The following AOAH variants were observed in gnomAD, a reference collection of about 807,000 sequenced individuals.
The protein encoded by AOAH is acyloxyacyl hydrolase (neutrophil).
AOAH carries 64 observed loss-of-function variants against 92.2 expected under a neutral mutation model. The observed-to-expected ratio is 0.69, with a 90% CI of 0.57 to 0.86. AOAH has a LOEUF of 0.86. Ranked by LOEUF, AOAH falls within the 40% of genes least tolerant of loss-of-function variation. AOAH has a pLI of 0.00. For missense variants in AOAH, 656 were observed against 694.6 expected (o/e 0.94, Z 0.62); for synonymous variants, 263 against 254.5 (o/e 1.03, Z -0.32).
At chr7:36,515,733 A>ACACACAC (rs1171705472) in intron 20 of AOAH, among the ~76,000 whole-genome samples, 1 of 112,944 alleles carries the variant, frequency 8.9e-6, no homozygotes, top group African/African-American at 3.5e-5. Context: ...CCAACACCAC[A>ACACACAC]CACACACCAC....
At position 36,678,609 on chromosome 7, in the gene AOAH, G is replaced by A. The variant is rs915525271; in HGVS notation, c.224-4600C>T. 6.1e-5 allele frequency among the ~76,000 whole-genome samples: 6 copies of A among 98,358 alleles called. No individual in the cohort carries two copies. The East Asian group carries it at 1.1e-3, about 18-fold the overall frequency. The allele number at this position is 98,358 out of a possible 152,430, so 64.5% of individuals were successfully genotyped here. On this transcript the variant is annotated intron_variant, in intron 2 of 20. Coordinates refer to ENST00000617537, the MANE Select transcript of AOAH (RefSeq NM_001637.4). The stretch of plus-strand genomic sequence containing the variant: ...TGTGTGTGTGTGTGTGTGCGCGCGC[G>A]CGCGCGTTAGAATTCTGTTTAGCTC...
intron 7 of AOAH, 117 bp from the exon 8 acceptor site, chr7:36,621,897 A>G: frequency 2.3e-6 from 2 of 854,064 alleles, no homozygotes; most frequent in Non-Finnish European, 4.0e-6. Flanking sequence ...TTCAGATTCA[A>G]TCTAGGATCA....
At chr7:36,589,792 T>C (rs548022840) in intron 12 of AOAH, among the ~76,000 whole-genome samples, 1 of 152,356 alleles carries the variant, frequency 6.6e-6, no homozygotes, top group East Asian at 1.9e-4. Context: ...CCTTCCTTCT[T>C]GTAAAAGTTT....
intron 1 of AOAH, among the ~76,000 whole-genome samples, chr7:36,721,360 C>A (rs1172491908): frequency 6.6e-6 from 1 of 152,112 alleles, no homozygotes; most frequent in Non-Finnish European, 1.5e-5. Context: ...CTCTGCCAAC[C>A]CCACTGCCTT....
chr7:36,701,756 G>A (rs1165798362), intron 1 of AOAH, among the ~76,000 whole-genome samples: 1 of 151,858 alleles, frequency 6.6e-6, no homozygotes, highest in Non-Finnish European at 1.5e-5. Flanking sequence ...GTATAATCAT[G>A]TTGTCGTTGA....
intron 1 of AOAH, among the ~76,000 whole-genome samples, chr7:36,716,849 G>A (rs1330908515): frequency 1.3e-5 from 2 of 152,010 alleles, no homozygotes; most frequent in African/African-American, 4.8e-5. Context: ...GGGAGGGATA[G>A]CATTAGGAGA....
At chr7:36,588,228 C>T (rs1376912332) in intron 12 of AOAH, among the ~76,000 whole-genome samples, 7 of 152,238 alleles carry the variant, frequency 4.6e-5, no homozygotes, top group African/African-American at 1.7e-4. Context: ...ACTTGATTCA[C>T]GCTAACGTGT....
intron 4 of AOAH, among the ~76,000 whole-genome samples, chr7:36,655,343 G>A (rs1794816147): frequency 6.6e-6 from 1 of 152,016 alleles, no homozygotes; most frequent in East Asian, 1.9e-4. Context: ...ATTTTGTTGG[G>A]ATAGTTAGGA....
At chr7:36,651,035 C>T (rs1018413659) in intron 4 of AOAH, among the ~76,000 whole-genome samples, 1 of 152,274 alleles carries the variant, frequency 6.6e-6, no homozygotes, top group Middle Eastern at 3.4e-3. Flanking sequence ...GGGGCTGACG[C>T]AGGCGAGGTG....
At chr7:36,593,443 C>T (rs552923989) in intron 12 of AOAH, among the ~76,000 whole-genome samples, 2 of 152,206 alleles carry the variant, frequency 1.3e-5, no homozygotes, top group African/African-American at 4.8e-5. Context: ...TGCACACTTG[C>T]CCTCCTCACA....
chr7:36,720,878 G>A (rs926168631), intron 1 of AOAH, among the ~76,000 whole-genome samples: 1 of 152,194 alleles, frequency 6.6e-6, no homozygotes, highest in African/African-American at 2.4e-5. Context: ...AGGGTTTGAA[G>A]TCATGTAACC....
chr7:36,514,667 G>C, intron 20 of AOAH: 1 of 999,832 alleles, frequency 1.0e-6, no homozygotes, highest in Non-Finnish European at 1.5e-6. Flanking sequence ...CTCAACAGTG[G>C]TTTTCAATGC....
chr7:36,693,954 A>T (rs1797559196), intron 1 of AOAH, among the ~76,000 whole-genome samples: 1 of 152,204 alleles, frequency 6.6e-6, no homozygotes, highest in African/African-American at 2.4e-5. Context: ...GAATTCTTTG[A>T]ACTTCTTCTG....
intron 1 of AOAH, among the ~76,000 whole-genome samples, chr7:36,718,403 C>G (rs969057695): frequency 3.3e-5 from 5 of 152,094 alleles, no homozygotes; most frequent in African/African-American, 9.7e-5. Flanking sequence ...GGCAGTTCCT[C>G]AAAATGTTAA....
At chr7:36,567,059 A>C (rs1212692473) in intron 13 of AOAH, among the ~76,000 whole-genome samples, 2 of 152,036 alleles carry the variant, frequency 1.3e-5, no homozygotes, top group Non-Finnish European at 2.9e-5. Context: ...TGATGCACCC[A>C]CCTCGGCCTC....
In AOAH at chr7:36,672,161, G is replaced by A. The variant is rs115401822; in HGVS notation, c.290+1782C>T. On this transcript the variant is annotated intron_variant, in intron 3 of 20. Transcript: ENST00000617537. ...GAAAAATTGTTTGCCACAACAGAGCGAGATCGCTATTAAGAGAGGCAGATG... is the reference window on the plus strand; with the variant it reads ...GAAAAATTGTTTGCCACAACAGAGCAAGATCGCTATTAAGAGAGGCAGATG... 1.7e-3 allele frequency among the ~76,000 whole-genome samples: 258 copies of A among 152,264 alleles called. 2 individuals carry two copies. Among genetic ancestry groups the A allele is most frequent in the African/African-American group, 6.0e-3 (251 of 41,538 alleles).
chr7:36,556,754 C>T (rs1228225502), intron 13 of AOAH, among the ~76,000 whole-genome samples: 1 of 136,288 alleles, frequency 7.3e-6, no homozygotes, highest in Non-Finnish European at 1.6e-5. Flanking sequence ...TTCTTTGTCT[C>T]TTTTGATCTT....
chr7:36,631,739 AGTGGGCACCTCGCT>A (rs1793122656), intron 6 of AOAH, among the ~76,000 whole-genome samples: 1 of 152,174 alleles, frequency 6.6e-6, no homozygotes, highest in Non-Finnish European at 1.5e-5. Flanking sequence ...GGTGTAGTGC[AGTGGGCACCTCGCT>A]GGCAGGCACT....
intron 13 of AOAH, among the ~76,000 whole-genome samples, chr7:36,566,826 G>A (rs1248804517): frequency 6.6e-6 from 1 of 152,098 alleles, no homozygotes; most frequent in Admixed American, 6.5e-5. Context: ...AACACACTGC[G>A]CAGAGCCCCC....
Sources: gnomAD v4.1 joint callset for allele counts (sites outside exome capture counted in the v4.1 genomes callset) on GRCh38, gnomAD v4.1.1 for gene constraint, MANE v1.5 for transcripts, NCBI Gene and HGNC (gene_info 2026-07-23, HGNC 2026-07-21) for gene names.